PLCB1: variants seen among roughly 807,000 people sequenced by gnomAD.
PLCB1 encodes the protein 1-phosphatidylinositol 4,5-bisphosphate phosphodiesterase beta-1.
Under a neutral mutation model 161.8 loss-of-function variants are expected in PLCB1, and 46 were observed. The observed-to-expected ratio is 0.28, with a 90% CI of 0.22 to 0.36. The LOEUF is 0.36. Among genes scored for constraint, PLCB1 ranks in the 10% least tolerant of loss-of-function variants. PLCB1 has a pLI of 1.00. For missense variants in PLCB1, 1,016 were observed against 1,472.5 expected (o/e 0.69, Z 5.07); for synonymous variants, 517 against 503.7 (o/e 1.03, Z -0.35).
In PLCB1 at chr20:8,169,543, C is replaced by T. The variant is rs1020231776; in HGVS notation, c.177+19172C>T. On this transcript the variant is annotated intron_variant, in intron 2 of 31. Coordinates refer to ENST00000338037, the MANE Select transcript of PLCB1 (RefSeq NM_015192.4). ...TATATTGTGTGAATCTGAACTAGGA[C>T]AGGTATTCGGATACTTCTGATTCAT... Among the ~76,000 whole-genome samples, 23 of 152,228 alleles carry T rather than the reference C, an allele frequency of 1.5e-4. 1 individual carries two copies. In the South Asian group the frequency reaches 4.8e-3, roughly 32 times the overall value.
intron 2 of PLCB1, among the ~76,000 whole-genome samples, chr20:8,365,006 C>T (rs539112425): frequency 6.6e-6 from 1 of 152,244 alleles, no homozygotes; most frequent in South Asian, 2.1e-4. Context: ...CAACTTTTAA[C>T]TTTTCTGCTA....
chr20:8,617,878 T>C (rs533162384), intron 3 of PLCB1, among the ~76,000 whole-genome samples: 1 of 152,174 alleles, frequency 6.6e-6, no homozygotes, highest in East Asian at 1.9e-4. Context: ...TATACTGCTA[T>C]TTTTTAAGTA....
At chr20:8,521,730 A>G (rs192210115) in intron 3 of PLCB1, among the ~76,000 whole-genome samples, 145 of 152,304 alleles carry the variant, frequency 9.5e-4, no homozygotes, top group Non-Finnish European at 1.6e-3. Context: ...CAATGATCCA[A>G]TGGAATGCTA....
At chr20:8,752,111 T>A (rs1174002215) in intron 23 of PLCB1, 1 of 152,224 alleles carries the variant, frequency 6.6e-6, no homozygotes, top group Admixed American at 6.5e-5. Flanking sequence ...GCCTTTTTAG[T>A]GCAACAGGGT....
intron 31 of PLCB1, among the ~76,000 whole-genome samples, chr20:8,862,611 A>T (rs1568628859): frequency 1.3e-5 from 2 of 152,150 alleles, no homozygotes; most frequent in Admixed American, 6.5e-5. Context: ...AAAGAAATTG[A>T]TTTTTTTAAA....
chr20:8,341,370 C>T (rs1296213663), intron 2 of PLCB1, among the ~76,000 whole-genome samples: 1 of 152,188 alleles, frequency 6.6e-6, no homozygotes, highest in Non-Finnish European at 1.5e-5. Context: ...CTCCACTCTG[C>T]TGAAAAGTTG....
At chr20:8,535,105 TAAAAAAAAAA>T (rs10560220) in intron 3 of PLCB1, among the ~76,000 whole-genome samples, 1 of 108,318 alleles carries the variant, frequency 9.2e-6, no homozygotes, top group African/African-American at 3.4e-5. Context: ...AGTTTTAAAG[TAAAAAAAAAA>T]AAAAAAAAAA....
intron 3 of PLCB1, among the ~76,000 whole-genome samples, chr20:8,472,140 T>C (rs1270485995): frequency 6.6e-6 from 1 of 152,210 alleles, no homozygotes; most frequent in African/African-American, 2.4e-5. Flanking sequence ...GAAATTTAGC[T>C]CTTATTTTTG....
chr20:8,868,579 G>C, intron 31 of PLCB1, among the ~76,000 whole-genome samples: 1 of 152,168 alleles, frequency 6.6e-6, no homozygotes, highest in East Asian at 1.9e-4. Flanking sequence ...TGAACAGTTG[G>C]CCTGGAATGG....
At chr20:8,701,922 G>C (rs1437185836) in intron 11 of PLCB1, among the ~76,000 whole-genome samples, 2 of 152,144 alleles carry the variant, frequency 1.3e-5, no homozygotes, top group Non-Finnish European at 2.9e-5. Context: ...CTGAACATTT[G>C]GGCCAGATAT....
intron 3 of PLCB1, among the ~76,000 whole-genome samples, chr20:8,562,819 T>TTAC (rs369763285): frequency 1.4e-3 from 213 of 152,228 alleles, no homozygotes; most frequent in African/African-American, 4.9e-3. Flanking sequence ...TAATCTCAAA[T>TTAC]TACTACCTTT....
At chr20:8,858,427 T>A (rs1229857897) in intron 31 of PLCB1, among the ~76,000 whole-genome samples, 3 of 152,218 alleles carry the variant, frequency 2.0e-5, no homozygotes, top group Non-Finnish European at 4.4e-5. Context: ...TGTGTAGTAA[T>A]GGAAATGTTT....
intron 4 of PLCB1, among the ~76,000 whole-genome samples, chr20:8,644,188 C>G (rs1282448481): frequency 3.9e-5 from 6 of 152,234 alleles, no homozygotes; most frequent in African/African-American, 1.2e-4. Context: ...CCCAAAGTGC[C>G]GAGATTGCAG....
Position 8,445,969 on chromosome 20 carries a change from A to G in PLCB1, c.246+74519A>G, listed in dbSNP as rs562176379. Among the ~76,000 whole-genome samples, 8 of 152,330 alleles carry G rather than the reference A, an allele frequency of 5.3e-5. No homozygotes were observed. The South Asian group carries it at 1.7e-3, about 32-fold the overall frequency. On this transcript the variant is annotated intron_variant, in intron 3 of 31. Transcript: ENST00000338037. ...CCAGACGGATTCACAGCCGAATTCT[A>G]CCAGAGGTACAAGGAGGAGCTGGTC...
intron 3 of PLCB1, among the ~76,000 whole-genome samples, chr20:8,616,284 T>C (rs1568530570): frequency 6.6e-6 from 1 of 152,128 alleles, no homozygotes; most frequent in Non-Finnish European, 1.5e-5. Context: ...CCTTCTCTAC[T>C]AGCTTTTAAT....
intron 12 of PLCB1, among the ~76,000 whole-genome samples, chr20:8,714,548 G>C (rs766519073): frequency 4.4e-4 from 67 of 152,128 alleles, no homozygotes; most frequent in Non-Finnish European, 8.5e-4. Flanking sequence ...CTAATGACTT[G>C]TCCTTCAGCA....
At chr20:8,860,761 A>G (rs117338207) in intron 31 of PLCB1, among the ~76,000 whole-genome samples, 247 of 152,336 alleles carry the variant, frequency 1.6e-3, no homozygotes, top group Non-Finnish European at 2.9e-3. Flanking sequence ...GAGCTCCCTG[A>G]TGTCTAAAGA....
intron 14 of PLCB1, among the ~76,000 whole-genome samples, chr20:8,720,337 G>A (rs931764713): frequency 6.6e-6 from 1 of 152,176 alleles, no homozygotes; most frequent in Non-Finnish European, 1.5e-5. Context: ...TAGTTATTCA[G>A]TAGATTTCCT....
chr20:8,661,140 A>C (rs750686584), intron 9 of PLCB1, among the ~76,000 whole-genome samples: 26 of 151,986 alleles, frequency 1.7e-4, no homozygotes, highest in Non-Finnish European at 2.8e-4. Flanking sequence ...GTCGTTGTCC[A>C]TTTTTTCTAG....
Sources: gnomAD v4.1 joint callset for allele counts (sites outside exome capture counted in the v4.1 genomes callset) on GRCh38, gnomAD v4.1.1 for gene constraint, MANE v1.5 for transcripts, NCBI Gene and HGNC (gene_info 2026-07-23, HGNC 2026-07-21) for gene names.